Variants in PDGFRB observed in about 807,000 individuals in gnomAD.
PDGFRB encodes the protein platelet derived growth factor receptor beta, also known as platelet-derived growth factor receptor beta.
PDGFRB carries 42 observed loss-of-function variants against 120.2 expected under a neutral mutation model. That is an observed-to-expected ratio of 0.35 (90% confidence interval 0.27 to 0.45). The LOEUF (loss-of-function observed/expected upper bound fraction) is 0.45. Ranked by LOEUF, PDGFRB falls within the 20% of genes least tolerant of loss-of-function variation. The pLI is 1.00. For missense variants in PDGFRB, 1,149 were observed against 1,476.3 expected (o/e 0.78, Z 3.63); for synonymous variants, 586 against 606.8 (o/e 0.97, Z 0.50).
rs560369860 is a variant in PDGFRB at position 150,114,752 on chromosome 5, G to A, written c.*1011C>T. On this transcript the variant is annotated 3_prime_UTR_variant, in exon 23 of 23. Coordinates refer to ENST00000261799, the MANE Select transcript of PDGFRB (RefSeq NM_002609.4). ...CATCTGGACAAATGTGCAACCACCT[G>A]GAATACTCTAGAATGTTAGTGCTGG... 8 of 233,582 alleles carry A rather than the reference G, an allele frequency of 3.4e-5. No homozygotes were observed. Among genetic ancestry groups the A allele is most frequent in the African/African-American group, 1.5e-4 (7 of 45,456 alleles). The allele number at this position is 233,582 out of a possible 1,614,324, so 14.5% of individuals were successfully genotyped here.
chr5:150,137,792 C>T (rs1288996504), intron 1 of PDGFRB, among the ~76,000 whole-genome samples: 2 of 152,216 alleles, frequency 1.3e-5, no homozygotes, highest in Non-Finnish European at 2.9e-5. Flanking sequence ...GAAACTGAGG[C>T]TCTGAGAAGG....
chr5:150,144,449 G>A (rs977638176), intron 1 of PDGFRB, among the ~76,000 whole-genome samples: 1 of 152,090 alleles, frequency 6.6e-6, no homozygotes, highest in African/African-American at 2.4e-5. Context: ...CTCTCCCCAT[G>A]AGGCCTCCCC....
intron 12 of PDGFRB, 59 bp downstream of exon 12, chr5:150,125,386 A>G: frequency 6.6e-7 from 1 of 1,509,078 alleles, no homozygotes; most frequent in Non-Finnish European, 9.1e-7. Context: ...CAGACCTCAG[A>G]GAGTCTTCCC....
In PDGFRB at chr5:150,131,997, A is replaced by T; in HGVS notation, c.1225T>A (p.Phe409Ile). 6.3e-7 allele frequency: 1 copy of T among 1,588,210 alleles called. No homozygotes were observed. Residue 409 changes from phenylalanine (F) to isoleucine (I), a missense_variant, in exon 8 of 23, where the codon TTC (phenylalanine) becomes ATC (isoleucine). Around this residue, in one of 3 missense-constraint regions of PDGFRB, gnomAD observed 879 missense variants for 1,108.6 expected, o/e 0.79. Transcript: ENST00000261799. ...TCATCACCATTGATCTGTAGCTGGA[A>T]GGAGAGCTGGACCTCAGCATCCTCA... ...FHEDAEVQLS[F>I]QLQINVPVRV...
chr5:150,133,804 G>A (rs377743109), intron 5 of PDGFRB, 44 bp from the exon 6 acceptor site: 18 of 1,611,344 alleles, frequency 1.1e-5, no homozygotes, highest in Middle Eastern at 1.6e-4. Flanking sequence ...AGGAGGGGCC[G>A]GGGAGAAATC....
At chr5:150,140,962 G>A (rs1398484062) in intron 1 of PDGFRB, among the ~76,000 whole-genome samples, 5 of 152,148 alleles carry the variant, frequency 3.3e-5, no homozygotes, top group Admixed American at 3.3e-4. Flanking sequence ...GGGTCCTGAG[G>A]CTCCCACGAC....
rs768318526 is a variant in PDGFRB at position 150,124,271 on chromosome 5, A to G, written c.2002T>C (p.Leu668=). 5 of 1,613,662 alleles carry G rather than the reference A, an allele frequency of 3.1e-6. No individual in the cohort carries two copies. Among genetic ancestry groups the G allele is most frequent in the Non-Finnish European group, 3.4e-6 (4 of 1,179,598 alleles). Residue 668 remains leucine (L), a synonymous_variant, in exon 14 of 23, where the codon TTG becomes CTG. Coordinates refer to ENST00000261799, the MANE Select transcript of PDGFRB (RefSeq NM_002609.4). ...GTACCTCCTTTGGTGCAGGCCCCCA[A>G]CAGGTTGACCACGTTCAGGTGGGGC... The part of the protein sequence containing the change: ...LGPHLNVVNL[L]GACTKGGPIY...
chr5:150,127,273 G>A (rs55981837), intron 10 of PDGFRB, among the ~76,000 whole-genome samples: 6 of 152,168 alleles, frequency 3.9e-5, no homozygotes, highest in African/African-American at 1.2e-4. Context: ...CAGCCTCTTC[G>A]CTGTACAGCT....
chr5:150,134,074 G>C, intron 4 of PDGFRB, 66 bp from the exon 5 acceptor site: 2 of 1,472,746 alleles, frequency 1.4e-6, no homozygotes, highest in Non-Finnish European at 1.9e-6. Context: ...TCAGCTTGGG[G>C]ATAGGGTAGG....
At chr5:150,150,600 T>A (rs939355562) in intron 1 of PDGFRB, among the ~76,000 whole-genome samples, 4 of 113,162 alleles carry the variant, frequency 3.5e-5, no homozygotes, top group Non-Finnish European at 8.0e-5. Context: ...CCAGGAAGCA[T>A]CTGGTGGATG....
intron 21 of PDGFRB, among the ~76,000 whole-genome samples, chr5:150,118,240 G>A (rs1760025101): frequency 6.6e-6 from 1 of 152,116 alleles, no homozygotes. Context: ...GGGGCAGTGG[G>A]GGTGAGAAAT....
rs760825537 is a variant in PDGFRB at position 150,132,825 on chromosome 5, A to T, written c.1052T>A (p.Phe351Tyr). The change falls in exon 7 of 23, where the codon TTC becomes TAC. Residue 351 changes from phenylalanine (F) to tyrosine (Y), a missense_variant. Phe to Tyr is a conservative substitution (Grantham distance 22). This residue lies in a region of PDGFRB where 879 missense variants were observed against 1,108.6 expected (regional missense o/e 0.79). Transcript: ENST00000261799. The surrounding 1 kb of genome is among the most constrained non-coding windows in gnomAD (Gnocchi z 5.0). ...GTCGCCCAGGGTGCGGTTGTCTTTG[A>T]ACCACAGGACAGTGGGCGGTGGGTA... Reference protein sequence around the residue: ...EAYPPPTVLWFKDNRTLGDSS... With the variant: ...EAYPPPTVLWYKDNRTLGDSS... 7.4e-6 allele frequency: 12 copies of T among 1,612,244 alleles called. No homozygotes were observed. The highest frequency in any genetic ancestry group is 9.3e-6 in the Non-Finnish European group (11 of 1,179,450).
At chr5:150,126,688 T>C (rs940688982) in intron 10 of PDGFRB, 74 bp from the exon 11 acceptor site, 17 of 806,390 alleles carry the variant, frequency 2.1e-5, no homozygotes, top group Middle Eastern at 5.3e-4. Context: ...TTTGGCATCA[T>C]AGATCCCTCC....
Position 150,125,558 on chromosome 5 carries a change from C to T in PDGFRB, c.1694G>A (p.Arg565Gln), listed in dbSNP as rs140081345. Residue 565 changes from arginine (R) to glutamine (Q), a missense_variant, in exon 12 of 23, where the codon CGA (arginine) becomes CAA (glutamine). Coordinates refer to ENST00000261799, the MANE Select transcript of PDGFRB (RefSeq NM_002609.4). ...GCTCACAGACTCAATCACCTTCCAT[C>T]GGATCTCGTAACGTGGCTTCTGGAG... ...LWQKKPRYEI[R>Q]WKVIESVSSD... 6.2e-6 allele frequency: 10 copies of T among 1,613,986 alleles called. No homozygotes were observed. Among genetic ancestry groups the T allele is most frequent in the African/African-American group, 5.3e-5 (4 of 75,046 alleles).
chr5:150,124,906 C>A, intron 12 of PDGFRB, 75 bp from the exon 13 acceptor site: 2 of 672,036 alleles, frequency 3.0e-6, no homozygotes, highest in Admixed American at 2.5e-5. Flanking sequence ...CCCCTCCCCC[C>A]ACTCCCCTAC....
In PDGFRB at chr5:150,130,294, C is replaced by T. The variant is rs183125643; in HGVS notation, c.1367+245G>A. On this transcript the variant is annotated intron_variant, in intron 9 of 22. Transcript: ENST00000261799. ...AGGAGTGCAGAACTGATCTACAGGG[C>T]GGGTGAGGTCTCTGGGGCTCAGACC... Among the ~76,000 whole-genome samples, 15 of 152,246 alleles carry T rather than the reference C, an allele frequency of 9.9e-5. No individual in the cohort carries two copies. The South Asian group carries it at 1.2e-3, about 13-fold the overall frequency.
chr5:150,122,093 C>T (rs1760157658), intron 15 of PDGFRB, 53 bp from the exon 16 acceptor site: 4 of 1,400,372 alleles, frequency 2.9e-6, no homozygotes, highest in African/African-American at 1.4e-5. Context: ...CTTCCCCTCC[C>T]CTCCTGCCCC....
At chr5:150,134,690 A>C in intron 4 of PDGFRB, 60 bp downstream of exon 4, 1 of 1,492,072 alleles carries the variant, frequency 6.7e-7, no homozygotes, top group African/African-American at 1.4e-5. Context: ...GTAAAGGGCT[A>C]TTCCTCTGTG....
At chr5:150,145,655 C>T (rs1357331150) in intron 1 of PDGFRB, among the ~76,000 whole-genome samples, 2 of 152,202 alleles carry the variant, frequency 1.3e-5, no homozygotes, top group Non-Finnish European at 2.9e-5. Context: ...CATGAGACAG[C>T]CCCTCTGTGG....
Sources: allele counts gnomAD v4.1 joint callset (sites outside exome capture counted in the v4.1 genomes callset), GRCh38; gene constraint gnomAD v4.1.1; regional missense constraint gnomAD v4.1.1; non-coding constraint Gnocchi (gnomAD v3.1); transcripts MANE v1.5; gene names NCBI Gene and HGNC (gene_info 2026-07-23, HGNC 2026-07-21).